CCDC85A: variants seen among roughly 807,000 people sequenced by gnomAD.
The protein encoded by CCDC85A is coiled-coil domain-containing protein 85A.
CCDC85A carries 38 observed loss-of-function variants against 50.2 expected under a neutral mutation model. The ratio of observed to expected loss-of-function variants is 0.76; its 90% CI spans 0.58 to 0.99. CCDC85A has a LOEUF of 0.99. CCDC85A is among the 50% of genes least tolerant of loss of function. The probability of loss-of-function intolerance (pLI) is 0.00; values close to 1 mark genes in which losing one functional copy is unlikely to be tolerated. For synonymous variants in CCDC85A, 366 were observed against 301.4 expected (o/e 1.21, Z -2.22); for missense variants, 820 against 742.0 (o/e 1.11, Z -1.22).
chr2:56,347,992 A>G (rs988053262), intron 3 of CCDC85A, among the ~76,000 whole-genome samples: 7 of 152,194 alleles, frequency 4.6e-5, no homozygotes, highest in Middle Eastern at 3.2e-3. Flanking sequence ...AGTAAATAGT[A>G]CTACCCTTTA....
At chr2:56,342,053 G>T (rs1182427954) in intron 2 of CCDC85A, among the ~76,000 whole-genome samples, 1 of 151,146 alleles carries the variant, frequency 6.6e-6, no homozygotes, top group Non-Finnish European at 1.5e-5. Context: ...AAATAGTCTT[G>T]TATATGTAGA....
intron 2 of CCDC85A, among the ~76,000 whole-genome samples, chr2:56,328,381 G>A (rs1019482786): frequency 3.9e-5 from 6 of 152,236 alleles, no homozygotes; most frequent in African/African-American, 1.4e-4. Context: ...CTGGGGACAA[G>A]GGGATAAAGT....
Position 56,328,866 on chromosome 2 carries a change from C to T in CCDC85A, c.1241-14013C>T, listed in dbSNP as rs551309254. The stretch of plus-strand genomic sequence containing the variant: ...TCTCAGTCCAGTCCCATAGCAGCTC[C>T]CTCAGTGGTCACCCTCTCTCATTCT... On this transcript the variant is annotated intron_variant, in intron 2 of 5. Transcript: ENST00000407595. 1.6e-3 allele frequency among the ~76,000 whole-genome samples: 242 copies of T among 152,232 alleles called. 2 individuals carry two copies. Among genetic ancestry groups the T allele is most frequent in the African/African-American group, 5.7e-3 (236 of 41,554 alleles).
rs1002389469 is a variant in CCDC85A at position 56,385,054 on chromosome 2, T to A, written c.*699T>A. On this transcript the variant is annotated 3_prime_UTR_variant, in exon 6 of 6. Coordinates refer to ENST00000407595, the MANE Select transcript of CCDC85A (RefSeq NM_001080433.2). ...TCAATTGATCAATATAAATATATCT[T>A]TTTTTTTCATCTTAATGAGTTTCTC... 6.6e-6 allele frequency: 1 copy of A among 151,944 alleles called. No homozygotes were observed. The highest frequency in any genetic ancestry group is 1.5e-5 in the Non-Finnish European group (1 of 67,754). The allele number at this position is 151,944 out of a possible 1,614,324, so 9.4% of individuals were successfully genotyped here. A position where few individuals can be genotyped will look rare whatever the true frequency, so the allele number is the denominator to read the frequency against.
intron 5 of CCDC85A, 53 bp from the exon 6 acceptor site, chr2:56,384,213 C>G: frequency 6.6e-7 from 1 of 1,512,326 alleles, no homozygotes; most frequent in Middle Eastern, 1.7e-4. Flanking sequence ...AAATGCAAAT[C>G]TCCTTGTGAA....
At chr2:56,344,458 T>C (rs1674532239) in intron 3 of CCDC85A, among the ~76,000 whole-genome samples, 1 of 152,202 alleles carries the variant, frequency 6.6e-6, no homozygotes, top group Non-Finnish European at 1.5e-5. Flanking sequence ...TGTTTATTTC[T>C]GGAATTTTCC....
chr2:56,204,878 A>T (rs373298147), intron 2 of CCDC85A, among the ~76,000 whole-genome samples: 4 of 152,198 alleles, frequency 2.6e-5, no homozygotes. Flanking sequence ...TTGAAGCACC[A>T]CAGTGATGAG....
chr2:56,298,263 T>G (rs957994562), intron 2 of CCDC85A, among the ~76,000 whole-genome samples: 2 of 152,044 alleles, frequency 1.3e-5, no homozygotes, highest in African/African-American at 4.8e-5. Context: ...TACTCTGAGT[T>G]TGATAGAAGG....
chr2:56,296,615 C>T (rs1233703262), intron 2 of CCDC85A, among the ~76,000 whole-genome samples: 2 of 152,074 alleles, frequency 1.3e-5, no homozygotes, highest in African/African-American at 4.8e-5. Flanking sequence ...TTCAGAAAGG[C>T]TTTTGTCAGG....
At chr2:56,314,111 C>T (rs191850173) in intron 2 of CCDC85A, among the ~76,000 whole-genome samples, 12 of 147,486 alleles carry the variant, frequency 8.1e-5, no homozygotes, top group Admixed American at 2.1e-4. Flanking sequence ...AGACCAGGGA[C>T]GGGAATCAAG....
chr2:56,223,590 T>C (rs1410103902), intron 2 of CCDC85A, among the ~76,000 whole-genome samples: 3 of 152,176 alleles, frequency 2.0e-5, no homozygotes, highest in Non-Finnish European at 1.5e-5. Flanking sequence ...TACAGGTCAG[T>C]TACTTGTGTC....
intron 3 of CCDC85A, among the ~76,000 whole-genome samples, chr2:56,371,804 G>A (rs891687864): frequency 6.6e-6 from 1 of 152,042 alleles, no homozygotes; most frequent in Non-Finnish European, 1.5e-5. Flanking sequence ...TTAATGCAGT[G>A]ATGACCTTTT....
chr2:56,245,361 C>T (rs1669454798), intron 2 of CCDC85A, among the ~76,000 whole-genome samples: 1 of 152,228 alleles, frequency 6.6e-6, no homozygotes, highest in African/African-American at 2.4e-5. Flanking sequence ...CCTGCAGTTG[C>T]CTGCTCTACC....
chr2:56,208,224 T>A lies in CCDC85A; in HGVS notation c.1240+14784T>A, dbSNP rs1677031669. ...ATTCTGAGTTCTTATAAGAATATGT[T>A]ATATTGTTTCTTAAGGACTGGTTTT... is the stretch of plus-strand genomic sequence containing the variant. On this transcript the variant is annotated intron_variant, in intron 2 of 5. Transcript: ENST00000407595. 2.0e-5 allele frequency among the ~76,000 whole-genome samples: 3 copies of A among 152,184 alleles called. No homozygotes were observed. The South Asian group carries it at 6.2e-4, about 31-fold the overall frequency.
intron 2 of CCDC85A, 58 bp from the exon 3 acceptor site, chr2:56,342,821 G>A (rs1272026288): frequency 2.7e-6 from 3 of 1,129,408 alleles, no homozygotes; most frequent in East Asian, 2.6e-5. Context: ...GAAATATCCT[G>A]ACAGTACACC....
chr2:56,336,207 T>G (rs771729556), intron 2 of CCDC85A, among the ~76,000 whole-genome samples: 1 of 151,952 alleles, frequency 6.6e-6, no homozygotes, highest in African/African-American at 2.4e-5. Context: ...CAGGCTGGAG[T>G]GCAATGACAC....
intron 2 of CCDC85A, among the ~76,000 whole-genome samples, chr2:56,331,562 G>T (rs375896387): frequency 6.6e-6 from 1 of 152,040 alleles, no homozygotes; most frequent in Non-Finnish European, 1.5e-5. Context: ...TATTTGCTTT[G>T]GGAAGATTGG....
chr2:56,344,188 A>C (rs1042398355), intron 3 of CCDC85A, among the ~76,000 whole-genome samples: 2 of 152,204 alleles, frequency 1.3e-5, no homozygotes, highest in Admixed American at 6.5e-5. Flanking sequence ...TATATGATAA[A>C]GTTTAATTCA....
At chr2:56,340,951 T>A (rs1449117379) in intron 2 of CCDC85A, among the ~76,000 whole-genome samples, 2 of 144,618 alleles carry the variant, frequency 1.4e-5, no homozygotes, top group African/African-American at 2.6e-5. Context: ...AGAGTCAGGG[T>A]CAGGTGGGTG....
Sources: allele counts gnomAD v4.1 joint callset (sites outside exome capture counted in the v4.1 genomes callset), GRCh38; gene constraint gnomAD v4.1.1; transcripts MANE v1.5; gene names NCBI Gene and HGNC (gene_info 2026-07-23, HGNC 2026-07-21).